Variants in KCND2 observed in about 807,000 individuals in gnomAD.
KCND2 encodes A-type voltage-gated potassium channel KCND2.
In KCND2, 16 loss-of-function variants were observed where a neutral mutation model predicts 54.4. That is an observed-to-expected ratio of 0.29 (90% CI 0.20 to 0.45). The LOEUF is 0.45. KCND2 is among the 20% of genes least tolerant of loss of function. KCND2 has a pLI of 1.00. For missense variants in KCND2, 486 were observed against 824.2 expected (o/e 0.59, Z 5.02); for synonymous variants, 317 against 310.7 (o/e 1.02, Z -0.21).
At chr7:120,470,551 T>G (rs546457412) in intron 1 of KCND2, among the ~76,000 whole-genome samples, 36 of 152,122 alleles carry the variant, frequency 2.4e-4, no homozygotes, top group Non-Finnish European at 4.3e-4. Context: ...CCAGAGTTCC[T>G]TATTCAATTT....
chr7:120,737,559 C>T (rs1298629364), intron 2 of KCND2, among the ~76,000 whole-genome samples: 3 of 152,042 alleles, frequency 2.0e-5, no homozygotes, highest in African/African-American at 4.8e-5. Flanking sequence ...AGGAATGTTG[C>T]ACTGTCTGCC....
At chr7:120,372,262 C>T (rs765356941) in intron 1 of KCND2, among the ~76,000 whole-genome samples, 52 of 151,952 alleles carry the variant, frequency 3.4e-4, no homozygotes, top group Admixed American at 1.2e-3. Context: ...GTGTGCAAGG[C>T]ATTCACTCGA....
At chr7:120,542,959 G>T (rs1355033090) in intron 1 of KCND2, among the ~76,000 whole-genome samples, 1 of 152,002 alleles carries the variant, frequency 6.6e-6, no homozygotes, top group African/African-American at 2.4e-5. Context: ...CTTACGGAAA[G>T]TCAATTTTGG....
At chr7:120,463,563 T>G (rs1472256722) in intron 1 of KCND2, among the ~76,000 whole-genome samples, 2 of 152,052 alleles carry the variant, frequency 1.3e-5, no homozygotes, top group Non-Finnish European at 2.9e-5. Context: ...AGTGCCTAAT[T>G]TGTATAGTGA....
intron 1 of KCND2, among the ~76,000 whole-genome samples, chr7:120,545,562 C>T (rs940085266): frequency 6.6e-6 from 1 of 151,782 alleles, no homozygotes; most frequent in Non-Finnish European, 1.5e-5. Flanking sequence ...AGAATTGGAA[C>T]AATCTCTGTG....
At chr7:120,395,144 C>T (rs183209186) in intron 1 of KCND2, among the ~76,000 whole-genome samples, 10 of 152,084 alleles carry the variant, frequency 6.6e-5, no homozygotes, top group African/African-American at 1.9e-4. Flanking sequence ...AACATTGTTT[C>T]TTCAATAACA....
chr7:120,312,106 C>T (rs1429329384), intron 1 of KCND2, among the ~76,000 whole-genome samples: 1 of 152,072 alleles, frequency 6.6e-6, no homozygotes, highest in African/African-American at 2.4e-5. Context: ...GGACTTTCTC[C>T]ATGTTGGTCA....
At chr7:120,355,365 G>T (rs148420370) in intron 1 of KCND2, among the ~76,000 whole-genome samples, 107 of 152,178 alleles carry the variant, frequency 7.0e-4, no homozygotes, top group African/African-American at 2.6e-3. Context: ...TGGCCAATAC[G>T]GTGAAACCCC....
At chr7:120,659,678 C>T (rs1791842804) in intron 1 of KCND2, among the ~76,000 whole-genome samples, 1 of 152,072 alleles carries the variant, frequency 6.6e-6, no homozygotes, top group Admixed American at 6.6e-5. Flanking sequence ...TATATTTAAA[C>T]ATAAAACTGT....
rs926408440 is a variant in KCND2 at position 120,392,753 on chromosome 7, A to G, written c.1115+117006A>G. On this transcript the variant is annotated intron_variant, in intron 1 of 5. Transcript: ENST00000331113. ...CCATAAGCCATCTCTTGCTGCCGCC[A>G]TGTTTGTGCTATAAGTAGTTAGTTT... 7.2e-5 allele frequency among the ~76,000 whole-genome samples: 11 copies of G among 152,036 alleles called. No homozygotes were observed. In the East Asian group the frequency reaches 1.7e-3, roughly 24 times the overall value.
chr7:120,431,549 A>G (rs1801788369), intron 1 of KCND2, among the ~76,000 whole-genome samples: 2 of 152,194 alleles, frequency 1.3e-5, no homozygotes, highest in African/African-American at 4.8e-5. Flanking sequence ...GTGCCTTTTC[A>G]GCATTCAGGA....
chr7:120,362,704 G>A (rs1034717849), intron 1 of KCND2, among the ~76,000 whole-genome samples: 5 of 151,962 alleles, frequency 3.3e-5, no homozygotes, highest in African/African-American at 1.2e-4. Flanking sequence ...AAAATAAGAG[G>A]TTGCTGTAGA....
chr7:120,340,470 A>G (rs1299088655), intron 1 of KCND2, among the ~76,000 whole-genome samples: 3 of 152,242 alleles, frequency 2.0e-5, no homozygotes, highest in Admixed American at 6.5e-5. Flanking sequence ...AAAGGAAACG[A>G]AAACTTCAGT....
intron 1 of KCND2, among the ~76,000 whole-genome samples, chr7:120,405,093 T>A (rs1801331610): frequency 6.6e-6 from 1 of 152,172 alleles, no homozygotes; most frequent in Non-Finnish European, 1.5e-5. Context: ...TACTTCCATT[T>A]ATATTTTATG....
At chr7:120,529,399 T>C (rs1301198810) in intron 1 of KCND2, among the ~76,000 whole-genome samples, 2 of 152,164 alleles carry the variant, frequency 1.3e-5, no homozygotes, top group East Asian at 3.9e-4. Flanking sequence ...AAAGTTTTCA[T>C]GGCAGCATTC....
intron 1 of KCND2, among the ~76,000 whole-genome samples, chr7:120,343,104 A>G (rs1408724606): frequency 6.6e-6 from 1 of 152,124 alleles, no homozygotes; most frequent in Non-Finnish European, 1.5e-5. Flanking sequence ...AAAAGATTTA[A>G]AAAGGTTTCA....
chr7:120,292,964 C>T (rs1165315354), intron 1 of KCND2, among the ~76,000 whole-genome samples: 1 of 151,776 alleles, frequency 6.6e-6, no homozygotes, highest in Non-Finnish European at 1.5e-5. Context: ...TACCATGACA[C>T]CAACTCTGTA....
At chr7:120,431,060 A>G (rs2116164205) in intron 1 of KCND2, among the ~76,000 whole-genome samples, 1 of 152,354 alleles carries the variant, frequency 6.6e-6, no homozygotes. Context: ...TAATATGTTT[A>G]ACATCTGCAG....
chr7:120,636,295 T>TAAGAGGTGATGTAAGCA (rs1402955799), intron 1 of KCND2, among the ~76,000 whole-genome samples: 1 of 152,044 alleles, frequency 6.6e-6, no homozygotes, highest in African/African-American at 2.4e-5. Context: ...GGTGATGGTG[T>TAAGAGGTGATGTAAGCA]GTAAGGGTGT....
Sources: allele counts gnomAD v4.1 joint callset (sites outside exome capture counted in the v4.1 genomes callset), GRCh38; gene constraint gnomAD v4.1.1; transcripts MANE v1.5; gene names NCBI Gene and HGNC (gene_info 2026-07-23, HGNC 2026-07-21).